Variants in AUTS2 observed in about 807,000 individuals in gnomAD.
The protein encoded by AUTS2 is activator of transcription and developmental regulator AUTS2, also known as autism susceptibility gene 2 protein.
AUTS2 carries 17 observed loss-of-function variants against 112.4 expected under a neutral mutation model. The observed-to-expected ratio is 0.15, with a 90% CI of 0.10 to 0.23. The LOEUF is 0.23. Ranked by LOEUF, AUTS2 falls within the 10% of genes least tolerant of loss-of-function variation. The pLI is 1.00. For missense variants in AUTS2, 1,510 were observed against 1,701.6 expected (o/e 0.89, Z 1.98); for synonymous variants, 751 against 702.7 (o/e 1.07, Z -1.09).
chr7:70,695,716 CACTT>C (rs10545727), intron 5 of AUTS2, among the ~76,000 whole-genome samples: 36,457 of 152,058 alleles, frequency 0.24, 5,447 homozygotes, highest in Middle Eastern at 0.32. Context: ...CAATCTGTTT[CACTT>C]ACTTAACTTT....
At chr7:70,704,200 GA>G (rs1809614965) in intron 6 of AUTS2, among the ~76,000 whole-genome samples, 1 of 152,186 alleles carries the variant, frequency 6.6e-6, no homozygotes, top group Non-Finnish European at 1.5e-5. Context: ...CCGAACTTGT[GA>G]ATGCGTGTGG....
intron 15 of AUTS2, chr7:70,783,666 T>TTGGTGAA (rs1448725153): frequency 6.6e-6 from 1 of 152,230 alleles, no homozygotes; most frequent in Non-Finnish European, 1.5e-5. Flanking sequence ...AAATAGTTAT[T>TTGGTGAA]TGGTGAACCT....
At chr7:70,130,750 G>T (rs1191731620) in intron 3 of AUTS2, among the ~76,000 whole-genome samples, 1 of 152,034 alleles carries the variant, frequency 6.6e-6, no homozygotes, top group Non-Finnish European at 1.5e-5. Context: ...AATGAGCCCA[G>T]AAATTGCATA....
At chr7:70,446,226 C>G (rs760495831) in intron 5 of AUTS2, among the ~76,000 whole-genome samples, 16 of 152,214 alleles carry the variant, frequency 1.1e-4, no homozygotes, top group Non-Finnish European at 2.2e-4. Context: ...GTGGGCTGTT[C>G]CTGCAGCCCA....
intron 4 of AUTS2, among the ~76,000 whole-genome samples, chr7:70,224,338 A>G (rs538039062): frequency 7.9e-4 from 22 of 27,770 alleles, no homozygotes; most frequent in African/African-American, 3.2e-3. Flanking sequence ...ACAGTACAAT[A>G]CAATACAATA....
intron 15 of AUTS2, chr7:70,782,375 A>G (rs558351549): frequency 6.6e-6 from 1 of 152,362 alleles, no homozygotes; most frequent in East Asian, 1.9e-4. Context: ...TGCTCATCGG[A>G]TCTGTAATTC....
intron 5 of AUTS2, among the ~76,000 whole-genome samples, chr7:70,458,823 C>T (rs1796850385): frequency 6.6e-6 from 1 of 152,218 alleles, no homozygotes; most frequent in African/African-American, 2.4e-5. Flanking sequence ...TGTGGAGCTT[C>T]TTGACAATTG....
At chr7:69,952,221 T>A (rs1415752616) in intron 2 of AUTS2, among the ~76,000 whole-genome samples, 2 of 152,202 alleles carry the variant, frequency 1.3e-5, no homozygotes, top group Non-Finnish European at 2.9e-5. Context: ...CCTTTAAATG[T>A]TTTTGTGTAC....
chr7:69,730,726 C>T (rs1409841665), intron 1 of AUTS2, among the ~76,000 whole-genome samples: 3 of 152,124 alleles, frequency 2.0e-5, no homozygotes, highest in Non-Finnish European at 4.4e-5. Context: ...TAGCTGTAAC[C>T]TTTGATTGTT....
intron 5 of AUTS2, among the ~76,000 whole-genome samples, chr7:70,553,951 T>G (rs1585294301): frequency 1.3e-5 from 2 of 151,056 alleles, no homozygotes; most frequent in Admixed American, 6.6e-5. Context: ...TTTGTATTTT[T>G]AGTAGAGACG....
chr7:69,990,102 A>C (rs115033874), intron 2 of AUTS2, among the ~76,000 whole-genome samples: 2 of 152,274 alleles, frequency 1.3e-5, no homozygotes, highest in East Asian at 3.9e-4. Flanking sequence ...TAGCAATACA[A>C]AGTTGCAGTC....
intron 5 of AUTS2, among the ~76,000 whole-genome samples, chr7:70,653,058 C>T (rs1190450766): frequency 1.3e-5 from 2 of 151,968 alleles, no homozygotes; most frequent in African/African-American, 4.8e-5. Context: ...AATTCAAGAC[C>T]AGCCTGGGCA....
chr7:70,554,022 G>A (rs34180838), intron 5 of AUTS2, among the ~76,000 whole-genome samples: 34,158 of 145,604 alleles, frequency 0.23, 4,065 homozygotes, highest in Middle Eastern at 0.3. Flanking sequence ...CACCCACCTC[G>A]GCCTCCCAAA....
chr7:69,621,844 A>C (rs984285027), intron 1 of AUTS2, among the ~76,000 whole-genome samples: 1 of 152,148 alleles, frequency 6.6e-6, no homozygotes, highest in Non-Finnish European at 1.5e-5. Flanking sequence ...GAGGAAATAC[A>C]AGAGCCATTC....
chr7:69,878,348 G>T (rs1793895214), intron 1 of AUTS2, among the ~76,000 whole-genome samples: 1 of 152,296 alleles, frequency 6.6e-6, no homozygotes, highest in African/African-American at 2.4e-5. Context: ...GCTGTTTTAT[G>T]ACTGCAACAT....
intron 1 of AUTS2, among the ~76,000 whole-genome samples, chr7:69,842,035 TTTTATA>T (rs1390211001): frequency 1.3e-5 from 2 of 152,138 alleles, no homozygotes; most frequent in Admixed American, 1.3e-4. Flanking sequence ...TGGGTGTTTG[TTTTATA>T]TTTATATTTA....
chr7:69,973,441 C>T (rs906133273), intron 2 of AUTS2, among the ~76,000 whole-genome samples: 1 of 152,154 alleles, frequency 6.6e-6, no homozygotes, highest in Non-Finnish European at 1.5e-5. Context: ...TGGCTAATTG[C>T]ACTGAGTAGA....
rs1182516577 is a variant in AUTS2, at chr7:69,600,525, A to AC, written c.309+570dup. On this transcript the variant is annotated intron_variant, in intron 1 of 18. Coordinates refer to ENST00000342771, the MANE Select transcript of AUTS2 (RefSeq NM_015570.4). ...TGATTTCTTTGCGCCTCCCCCCATT[A>AC]CCCCCCCATATTCTTTTTTTTTTTT... 7.9e-5 allele frequency among the ~76,000 whole-genome samples: 7 copies of AC among 89,094 alleles called. No individual in the cohort carries two copies. The East Asian group carries it at 1.2e-3, about 15-fold the overall frequency. 58.4% of individuals were successfully genotyped at this position (89,094 alleles called of 152,430 possible).
At chr7:69,810,067 C>G (rs1056204453) in intron 1 of AUTS2, among the ~76,000 whole-genome samples, 1 of 152,158 alleles carries the variant, frequency 6.6e-6, no homozygotes, top group South Asian at 2.1e-4. Context: ...AGAACCTGAC[C>G]GTGTGACTCT....
Sources: gnomAD v4.1 joint callset for allele counts (sites outside exome capture counted in the v4.1 genomes callset) on GRCh38, gnomAD v4.1.1 for gene constraint, MANE v1.5 for transcripts, NCBI Gene and HGNC (gene_info 2026-07-23, HGNC 2026-07-21) for gene names.